UBE2U: variants seen among roughly 807,000 people sequenced by gnomAD.
The protein encoded by UBE2U is ubiquitin conjugating enzyme E2 U, also known as ubiquitin-conjugating enzyme E2 U.
A neutral mutation model predicts 41.2 loss-of-function variants in UBE2U; 39 were observed. That is an observed-to-expected ratio of 0.95 (90% CI 0.73 to 1.24). UBE2U has a LOEUF of 1.24. Ranked by LOEUF, UBE2U falls within the 50% of genes most tolerant of loss-of-function variation. The pLI is 0.00. For synonymous variants in UBE2U, 107 were observed against 117.8 expected, an observed-to-expected ratio of 0.91 and a Z score of 0.60; for missense variants, 336 against 363.1, an observed-to-expected ratio of 0.93 and a Z score of 0.61.
intron 8 of UBE2U, among the ~76,000 whole-genome samples, chr1:64,250,371 G>A (rs1644986672): frequency 6.6e-6 from 1 of 152,122 alleles, no homozygotes; most frequent in Non-Finnish European, 1.5e-5. Flanking sequence ...TTTAAACCCA[G>A]ATGGCTTCAC....
intron 5 of UBE2U, among the ~76,000 whole-genome samples, chr1:64,219,123 A>G (rs963714073): frequency 3.9e-5 from 6 of 152,120 alleles, no homozygotes; most frequent in African/African-American, 1.4e-4. Flanking sequence ...AGTACCTGGG[A>G]GCTAAACCTT....
chr1:64,210,725 G>A lies in UBE2U; in HGVS notation c.242-17G>A, dbSNP rs376895959. On this transcript the variant is annotated splice_polypyrimidine_tract_variant and intron_variant, in intron 3 of 9. Coordinates refer to ENST00000371077, the MANE Select transcript of UBE2U (RefSeq NM_001366232.2). ...ATTTATTATAAATGCAAATATTAAT[G>A]TATTATTTTAATACAGTAGACCCAC... is the stretch of plus-strand genomic sequence containing the variant. 365 of 1,414,200 alleles carry A rather than the reference G, an allele frequency of 2.6e-4. 1 individual carries two copies. The highest frequency in any genetic ancestry group is 1.4e-4 in the Admixed American group (6 of 43,182). The allele number at this position is 1,414,200 out of a possible 1,614,324, so 87.6% of individuals were successfully genotyped here. A position where few individuals can be genotyped will look rare whatever the true frequency, so the allele number is the denominator to read the frequency against.
intron 3 of UBE2U, among the ~76,000 whole-genome samples, chr1:64,207,342 G>A (rs1402787973): frequency 6.6e-6 from 1 of 152,074 alleles, no homozygotes; most frequent in Non-Finnish European, 1.5e-5. Flanking sequence ...GCAGAGATGG[G>A]GTTTCACCAT....
intron 8 of UBE2U, among the ~76,000 whole-genome samples, chr1:64,243,376 T>C (rs556706433): frequency 2.4e-3 from 370 of 152,226 alleles, no homozygotes; most frequent in Non-Finnish European, 4.7e-3. Flanking sequence ...AATGGCAAAA[T>C]TCAACTTCTC....
chr1:64,238,831 C>T (rs1360272428), intron 7 of UBE2U, among the ~76,000 whole-genome samples: 1 of 151,890 alleles, frequency 6.6e-6, no homozygotes, highest in Non-Finnish European at 1.5e-5. Context: ...TTCTTGAGCC[C>T]AGGAATTTGA....
intron 3 of UBE2U, among the ~76,000 whole-genome samples, chr1:64,208,896 A>G (rs923935984): frequency 6.6e-6 from 1 of 152,178 alleles, no homozygotes; most frequent in African/African-American, 2.4e-5. Context: ...TTGAAAATAC[A>G]TTGTTAAGTG....
intron 6 of UBE2U, 119 bp from the exon 7 acceptor site, chr1:64,232,442 G>A (rs1357583961): frequency 1.7e-6 from 1 of 577,642 alleles, no homozygotes; most frequent in Non-Finnish European, 3.0e-6. Context: ...GTTACAATTT[G>A]CAAGTCAGTT....
intron 8 of UBE2U, among the ~76,000 whole-genome samples, chr1:64,245,357 T>A (rs761442083): frequency 6.6e-6 from 1 of 152,154 alleles, no homozygotes; most frequent in Non-Finnish European, 1.5e-5. Context: ...TTTCGAGTGT[T>A]CTTGGTTGTG....
chr1:64,233,366 T>C (rs1357354598), intron 7 of UBE2U, among the ~76,000 whole-genome samples: 8 of 151,974 alleles, frequency 5.3e-5, no homozygotes, highest in Admixed American at 5.2e-4. Context: ...TTGGAACTCC[T>C]GGCCTAAAGC....
At position 64,206,802 on chromosome 1, in the gene UBE2U, T is replaced by C. The variant is rs367899728; in HGVS notation, c.187T>C (p.Tyr63His). The change falls in exon 3 of 10, where the codon TAC (tyrosine) becomes CAC (histidine). Residue 63 changes from tyrosine to histidine, a missense_variant. Transcript: ENST00000371077. The part of the protein sequence containing the change: ...FQLTIHFTSE[Y>H]NYAPPVVKFI... ...ACTGACAATACATTTTACATCGGAG[T>C]ACAACTATGCTCCTCCAGTTGTGAA... The C allele has an allele frequency of 4.4e-6, 7 of 1,606,392 alleles. No homozygotes were observed. The highest frequency in any genetic ancestry group is 6.0e-6 in the Non-Finnish European group (7 of 1,175,152).
rs539419671 is a variant in UBE2U at position 64,242,039 on chromosome 1, T to C, written c.677+306T>C. ...CTCATTTCCATCATCCTTATCAACA[T>C]GTGACTTAGAAATAGCTTTTTTTTT... is the stretch of plus-strand genomic sequence containing the variant. On this transcript the variant is annotated intron_variant, in intron 8 of 9. Transcript: ENST00000371077. Among the ~76,000 whole-genome samples the C allele has an allele frequency of 2.6e-5, 4 of 151,104 alleles. No individual in the cohort carries two copies. The East Asian group carries it at 7.8e-4, about 29-fold the overall frequency.
At chr1:64,221,661 T>C (rs1397481092) in intron 6 of UBE2U, among the ~76,000 whole-genome samples, 3 of 152,248 alleles carry the variant, frequency 2.0e-5, no homozygotes, top group Admixed American at 6.5e-5. Flanking sequence ...GCATTTAATT[T>C]CTTGAGCATT....
At chr1:64,263,262 A>C in intron 9 of UBE2U, among the ~76,000 whole-genome samples, 1 of 152,284 alleles carries the variant, frequency 6.6e-6, no homozygotes, top group East Asian at 1.9e-4. Flanking sequence ...TGAACAAAAC[A>C]TGTTTCCTTG....
At chr1:64,216,422 G>A (rs1417932379) in intron 5 of UBE2U, among the ~76,000 whole-genome samples, 1 of 152,188 alleles carries the variant, frequency 6.6e-6, no homozygotes, top group Non-Finnish European at 1.5e-5. Context: ...AAAAGATAAA[G>A]GGCAGTTGTA....
chr1:64,267,163 G>A lies in UBE2U; in HGVS notation c.909G>A (p.Leu303=). The A allele has an allele frequency of 6.5e-7, 1 of 1,547,988 alleles. No homozygotes were observed. Among genetic ancestry groups the A allele is most frequent in the Non-Finnish European group, 8.7e-7 (1 of 1,146,402 alleles). The change falls in exon 10 of 10, where the codon CTG becomes CTA. Residue 303 remains leucine, a synonymous_variant. Transcript: ENST00000371077. ...CCAGGGAAGAGGAAGTGGAAGATCT[G>A]ATCTCCTGGACCAATACTCTCAATA... is the stretch of plus-strand genomic sequence containing the variant. The part of the protein sequence containing the change: ...DEPREEEVED[L]ISWTNTLNTN...
intron 3 of UBE2U, among the ~76,000 whole-genome samples, chr1:64,207,115 C>T (rs1451252969): frequency 6.6e-6 from 1 of 152,058 alleles, no homozygotes; most frequent in Non-Finnish European, 1.5e-5. Flanking sequence ...AGGTATTATG[C>T]ATGAAGTTTT....
chr1:64,222,475 A>G (rs1652558386), intron 6 of UBE2U, among the ~76,000 whole-genome samples: 1 of 152,208 alleles, frequency 6.6e-6, no homozygotes, highest in African/African-American at 2.4e-5. Context: ...AACCAAGGAT[A>G]AATGATGCTA....
At chr1:64,232,025 A>G (rs1282950110) in intron 6 of UBE2U, among the ~76,000 whole-genome samples, 1 of 152,220 alleles carries the variant, frequency 6.6e-6, no homozygotes, top group Non-Finnish European at 1.5e-5. Flanking sequence ...TAGCACAGGG[A>G]GGGGAAAGTA....
chr1:64,254,154 A>C (rs986854485), intron 8 of UBE2U, among the ~76,000 whole-genome samples: 1 of 152,130 alleles, frequency 6.6e-6, no homozygotes, highest in Non-Finnish European at 1.5e-5. Flanking sequence ...AAAGATCAAA[A>C]GACAAAGAAG....
Sources: allele counts gnomAD v4.1 joint callset (sites outside exome capture counted in the v4.1 genomes callset), GRCh38; gene constraint gnomAD v4.1.1; transcripts MANE v1.5; gene names NCBI Gene and HGNC (gene_info 2026-07-23, HGNC 2026-07-21).